The following PDE4D variants were observed in gnomAD, a reference collection of about 807,000 sequenced individuals.
PDE4D encodes phosphodiesterase 4D.
PDE4D carries 24 observed loss-of-function variants against 87.4 expected under a neutral mutation model. The observed-to-expected ratio is 0.27, with a 90% confidence interval of 0.20 to 0.39. The LOEUF is 0.39. Among genes scored for constraint, PDE4D ranks in the 10% least tolerant of loss-of-function variants. The pLI is 1.00. For synonymous variants in PDE4D, 384 were observed against 383.2 expected (o/e 1.00, Z -0.02); for missense variants, 714 against 1,041.0 (o/e 0.69, Z 4.32).
At chr5:60,450,059 A>T (rs1185593313) in intron 1 of PDE4D, among the ~76,000 whole-genome samples, 1 of 151,642 alleles carries the variant, frequency 6.6e-6, no homozygotes, top group Non-Finnish European at 1.5e-5. Context: ...GTAAAAAAAA[A>T]AAAAGAAACT....
chr5:59,285,562 G>C (rs1766767428), intron 1 of PDE4D, among the ~76,000 whole-genome samples: 2 of 152,032 alleles, frequency 1.3e-5, no homozygotes, highest in Admixed American at 1.3e-4. Flanking sequence ...CCAGGGTAAA[G>C]AAATACACTG....
Position 59,454,113 on chromosome 5 carries a change from G to A in PDE4D, c.456-238145C>T, listed in dbSNP as rs1282195510. ...ATGGCAGCACATCTGTTGACAGCAT[G>A]ATTTACTAGATATTTTAAGCACACT... is the stretch of plus-strand genomic sequence containing the variant. On this transcript the variant is annotated intron_variant, in intron 1 of 14. Coordinates refer to ENST00000340635, the MANE Select transcript of PDE4D (RefSeq NM_001104631.2). Among the ~76,000 whole-genome samples, 3 of 152,212 alleles carry A rather than the reference G, an allele frequency of 2.0e-5. No individual in the cohort carries two copies. In the East Asian group the frequency reaches 5.8e-4, roughly 29 times the overall value.
chr5:60,351,855 G>C (rs1759227510), intron 1 of PDE4D, among the ~76,000 whole-genome samples: 1 of 151,132 alleles, frequency 6.6e-6, no homozygotes, highest in African/African-American at 2.4e-5. Flanking sequence ...ACCCAGGCTA[G>C]AGTGCAGTGG....
chr5:60,147,430 A>T (rs192839274), intron 2 of PDE4D, among the ~76,000 whole-genome samples: 2 of 152,304 alleles, frequency 1.3e-5, no homozygotes, highest in East Asian at 3.9e-4. Context: ...TGACTATGAC[A>T]TTATTATTTC....
At chr5:60,252,241 T>C (rs1748556192) in intron 1 of PDE4D, among the ~76,000 whole-genome samples, 1 of 151,954 alleles carries the variant, frequency 6.6e-6, no homozygotes, top group Admixed American at 6.6e-5. Flanking sequence ...TAGATGGATA[T>C]GTAAGCTAAA....
intron 5 of PDE4D, among the ~76,000 whole-genome samples, chr5:59,082,605 TATAA>T (rs1561452534): frequency 6.6e-6 from 1 of 152,054 alleles, no homozygotes; most frequent in Non-Finnish European, 1.5e-5. Context: ...ATCAAATATG[TATAA>T]ATAAACAACG....
chr5:60,321,177 A>G (rs944128523), intron 1 of PDE4D, among the ~76,000 whole-genome samples: 3 of 152,238 alleles, frequency 2.0e-5, no homozygotes, highest in Admixed American at 6.5e-5. Context: ...CCAAAACAGC[A>G]TGATACAGGT....
chr5:59,282,597 C>G (rs192372295), intron 1 of PDE4D, among the ~76,000 whole-genome samples: 14 of 125,998 alleles, frequency 1.1e-4, no homozygotes, highest in African/African-American at 4.3e-4. Context: ...GAGCCGAGAT[C>G]GTGTCATTGG....
At chr5:60,117,160 TG>T (rs1219169640) in intron 2 of PDE4D, among the ~76,000 whole-genome samples, 5 of 152,116 alleles carry the variant, frequency 3.3e-5, no homozygotes, top group Non-Finnish European at 7.4e-5. Flanking sequence ...TGTTGTATTT[TG>T]TTTTGGCATT....
At chr5:59,183,062 A>C (rs935088564) in intron 4 of PDE4D, among the ~76,000 whole-genome samples, 2 of 152,174 alleles carry the variant, frequency 1.3e-5, no homozygotes, top group African/African-American at 4.8e-5. Context: ...AAAGGTTCTG[A>C]TTCTCCCAGG....
chr5:59,693,881 T>G (rs893189001), intron 1 of PDE4D, among the ~76,000 whole-genome samples: 14 of 152,262 alleles, frequency 9.2e-5, no homozygotes, highest in Admixed American at 1.3e-4. Flanking sequence ...GATTTATACC[T>G]CCATTCTACT....
intron 6 of PDE4D, among the ~76,000 whole-genome samples, chr5:58,997,512 C>T (rs1488670393): frequency 1.3e-5 from 2 of 152,084 alleles, no homozygotes; most frequent in African/African-American, 4.8e-5. Flanking sequence ...AGGGACAAAA[C>T]ATTAAACTGC....
intron 1 of PDE4D, among the ~76,000 whole-genome samples, chr5:59,635,015 G>A (rs1280591955): frequency 1.3e-5 from 2 of 151,786 alleles, no homozygotes; most frequent in African/African-American, 4.8e-5. Flanking sequence ...AAAGAGAGAA[G>A]AATCAAATAG....
At chr5:59,746,231 T>C (rs983358457) in intron 1 of PDE4D, among the ~76,000 whole-genome samples, 2 of 152,146 alleles carry the variant, frequency 1.3e-5, no homozygotes, top group African/African-American at 4.8e-5. Flanking sequence ...ATCTGCAAAC[T>C]AGCAATTTCC....
intron 1 of PDE4D, among the ~76,000 whole-genome samples, chr5:59,891,537 G>C (rs1043495301): frequency 3.3e-5 from 5 of 152,172 alleles, no homozygotes; most frequent in African/African-American, 1.2e-4. Context: ...TAGCAGTCTT[G>C]GCTGAAAAAT....
chr5:59,307,656 A>G (rs556143543), intron 1 of PDE4D, among the ~76,000 whole-genome samples: 7 of 151,074 alleles, frequency 4.6e-5, no homozygotes, highest in African/African-American at 1.7e-4. Flanking sequence ...CAAAACCACA[A>G]TGAGATACCA....
chr5:60,113,801 CA>C (rs1353456386), intron 2 of PDE4D, among the ~76,000 whole-genome samples: 3 of 152,084 alleles, frequency 2.0e-5, no homozygotes, highest in Non-Finnish European at 4.4e-5. Context: ...TAAATGTACT[CA>C]CAGTATTAAA....
intron 1 of PDE4D, among the ~76,000 whole-genome samples, chr5:59,551,471 T>TCACA (rs34301317): frequency 0.39 from 58,733 of 148,692 alleles, 12,365 homozygotes; most frequent in South Asian, 0.51. Context: ...GCTACTTCAG[T>TCACA]CACACACACA....
chr5:59,526,657 TC>T (rs1224264033), intron 1 of PDE4D, among the ~76,000 whole-genome samples: 1 of 152,206 alleles, frequency 6.6e-6, no homozygotes, highest in Admixed American at 6.5e-5. Context: ...AGGGTCTTGT[TC>T]TATCTCCCTG....
Sources: gnomAD v4.1 joint callset for allele counts (sites outside exome capture counted in the v4.1 genomes callset) on GRCh38, gnomAD v4.1.1 for gene constraint, MANE v1.5 for transcripts, NCBI Gene and HGNC (gene_info 2026-07-23, HGNC 2026-07-21) for gene names.